The following ARID4B variants were observed in gnomAD, a reference collection of about 807,000 sequenced individuals.
ARID4B encodes AT-rich interactive domain-containing protein 4B.
A neutral mutation model predicts 147.5 loss-of-function variants in ARID4B; 26 were observed. That is an observed-to-expected ratio of 0.18 (90% CI 0.13 to 0.24). The LOEUF (loss-of-function observed/expected upper bound fraction) is 0.24, where lower values mean the gene tolerates loss of function less well. ARID4B is among the 10% of genes least tolerant of loss of function. The pLI, the probability that ARID4B is intolerant of heterozygous loss-of-function variation, is 1.00. For missense variants in ARID4B, 1,179 were observed against 1,511.5 expected, an observed-to-expected ratio of 0.78 and a Z score of 3.65; for synonymous variants, 512 against 507.9, an observed-to-expected ratio of 1.01 and a Z score of -0.11.
chr1:235,300,675 G>A (rs998385795), intron 2 of ARID4B, among the ~76,000 whole-genome samples: 5 of 151,920 alleles, frequency 3.3e-5, no homozygotes, highest in South Asian at 4.2e-4. Context: ...CATTAAAGAT[G>A]CCTTGCAAGG....
At position 235,236,833 on chromosome 1, in the gene ARID4B, A is replaced by ATATATATATATATATATATATATATGTGT. The variant is rs1668597409; in HGVS notation, c.586-2342_586-2341insACACATATATATATATATATATATATATA. On this transcript the variant is annotated intron_variant, in intron 8 of 23. Transcript: ENST00000264183. ...TGGCCCACAAAACGGTTTTATAAAA[A>ATATATATATATATATATATATATATGTGT]ATATATATATATATATATATATATA... Among the ~76,000 whole-genome samples the ATATATATATATATATATATATATATGTGT allele has an allele frequency of 2.7e-3, 92 of 33,510 alleles. 6 individuals are homozygous for ATATATATATATATATATATATATATGTGT. The highest frequency in any genetic ancestry group is 3.1e-3 in the Non-Finnish European group (67 of 21,410). 22.0% of individuals were successfully genotyped at this position (33,510 alleles called of 152,430 possible).
chr1:235,251,314 C>A (rs1669633249), intron 6 of ARID4B, among the ~76,000 whole-genome samples: 1 of 151,450 alleles, frequency 6.6e-6, no homozygotes, highest in African/African-American at 2.4e-5. Flanking sequence ...GAGGAGGAAG[C>A]ATTTATAATG....
intron 8 of ARID4B, among the ~76,000 whole-genome samples, chr1:235,239,797 C>A (rs556206977): frequency 9.9e-5 from 15 of 152,168 alleles, no homozygotes; most frequent in Middle Eastern, 6.8e-3. Flanking sequence ...GAATTGCAAT[C>A]TTTTGGAGAG....
At chr1:235,257,728 G>T (rs895016049) in intron 3 of ARID4B, among the ~76,000 whole-genome samples, 1 of 151,978 alleles carries the variant, frequency 6.6e-6, no homozygotes, top group African/African-American at 2.4e-5. Context: ...TGATCCGCCC[G>T]CCTTGACCTA....
intron 2 of ARID4B, among the ~76,000 whole-genome samples, chr1:235,290,820 G>C (rs1221416854): frequency 6.6e-6 from 1 of 152,234 alleles, no homozygotes; most frequent in African/African-American, 2.4e-5. Context: ...ATAACAGCCA[G>C]GTGTGGAGGC....
In ARID4B at chr1:235,179,001, C is replaced by T. The variant is rs530562925; in HGVS notation, c.3335-1088G>A. Among the ~76,000 whole-genome samples, 158 of 152,032 alleles carry T rather than the reference C, an allele frequency of 1.0e-3. 1 individual carries two copies. The highest frequency in any genetic ancestry group is 3.7e-3 in the African/African-American group (154 of 41,496). The stretch of plus-strand genomic sequence containing the variant: ...CAATTTAAGTGAAACATAAAGGAGA[C>T]GTAGATATTGACCATACTGAAGCAC... On this transcript the variant is annotated intron_variant, in intron 20 of 23. Coordinates refer to ENST00000264183, the MANE Select transcript of ARID4B (RefSeq NM_016374.6).
rs1200546912 is a variant in ARID4B, at chr1:235,226,232, A to C, written c.898-1457T>G. 4.6e-5 allele frequency among the ~76,000 whole-genome samples: 7 copies of C among 152,350 alleles called. No homozygotes were observed. The East Asian group carries it at 1.2e-3, about 25-fold the overall frequency. On this transcript the variant is annotated intron_variant, in intron 11 of 23. Coordinates refer to ENST00000264183, the MANE Select transcript of ARID4B (RefSeq NM_016374.6). ...TTATATTTTACACACTATGACAGAC[A>C]CTTTAAGTATGAATACGAGTAAGAC...
Position 235,181,923 on chromosome 1 carries a change from T to G in ARID4B, c.2996A>C (p.Glu999Ala), listed in dbSNP as rs1329998616. 6.2e-7 allele frequency: 1 copy of G among 1,614,218 alleles called. No homozygotes were observed. The highest frequency in any genetic ancestry group is 1.1e-5 in the South Asian group (1 of 91,088). Residue 999 changes from glutamate to alanine, a missense_variant, in exon 20 of 24, where the codon GAA (glutamate) becomes GCA (alanine). Coordinates refer to ENST00000264183, the MANE Select transcript of ARID4B (RefSeq NM_016374.6). ...TCTGTCATTGACCTCTACTGTTTTT[T>G]CTTCAATGGGTTTACTATCGACATT... ...PVNVDSKPIE[E>A]KTVEVNDRKA...
chr1:235,263,083 C>A (rs1670388615), intron 2 of ARID4B, among the ~76,000 whole-genome samples: 1 of 152,068 alleles, frequency 6.6e-6, no homozygotes, highest in South Asian at 2.1e-4. Context: ...TCTTCATGAC[C>A]ACAGGCTCAT....
At chr1:235,263,934 C>A (rs1406245905) in intron 2 of ARID4B, among the ~76,000 whole-genome samples, 1 of 151,888 alleles carries the variant, frequency 6.6e-6, no homozygotes, top group East Asian at 1.9e-4. Context: ...GCGGGGCTTG[C>A]AGTGAGCCAA....
At chr1:235,232,334 C>T (rs1435195928) in intron 9 of ARID4B, among the ~76,000 whole-genome samples, 3 of 151,928 alleles carry the variant, frequency 2.0e-5, no homozygotes, top group Non-Finnish European at 4.4e-5. Context: ...GCAGGAGAAT[C>T]GCTTGAACCT....
chr1:235,285,202 A>C (rs1343413719), intron 2 of ARID4B, among the ~76,000 whole-genome samples: 1 of 152,222 alleles, frequency 6.6e-6, no homozygotes, highest in Non-Finnish European at 1.5e-5. Flanking sequence ...CATCACGCCC[A>C]GCCCAAAAAT....
chr1:235,232,766 A>G (rs1389838768), intron 9 of ARID4B, among the ~76,000 whole-genome samples: 1 of 152,094 alleles, frequency 6.6e-6, no homozygotes. Flanking sequence ...TTAAGTCAAT[A>G]TTCAATTTCT....
At chr1:235,287,612 T>C (rs1428829074) in intron 2 of ARID4B, among the ~76,000 whole-genome samples, 1 of 152,226 alleles carries the variant, frequency 6.6e-6, no homozygotes, top group Non-Finnish European at 1.5e-5. Flanking sequence ...TAGTAAACTA[T>C]TTCTGTTGAC....
At chr1:235,279,224 G>A (rs1413692975) in intron 2 of ARID4B, among the ~76,000 whole-genome samples, 1 of 152,050 alleles carries the variant, frequency 6.6e-6, no homozygotes, top group Non-Finnish European at 1.5e-5. Context: ...CGGCAAGACT[G>A]AGAAACACTG....
intron 16 of ARID4B, among the ~76,000 whole-genome samples, chr1:235,215,694 C>T (rs1667027408): frequency 6.6e-6 from 1 of 151,410 alleles, no homozygotes; most frequent in Non-Finnish European, 1.5e-5. Flanking sequence ...ATGATCCTCC[C>T]ACCTCAGCAT....
In ARID4B at chr1:235,224,583, A is replaced by G. The variant is rs560516926; in HGVS notation, c.970+120T>C. ...CTAGGTGCTGGTGATATCAGAGTCA[A>G]AAAGACAGCCATAATTACTGATGAC... On this transcript the variant is annotated intron_variant, in intron 12 of 23. Coordinates refer to ENST00000264183, the MANE Select transcript of ARID4B (RefSeq NM_016374.6). 2.9e-5 allele frequency: 21 copies of G among 712,234 alleles called. No individual in the cohort carries two copies. In the East Asian group the frequency reaches 5.8e-4, roughly 20 times the overall value. 44.1% of individuals were successfully genotyped at this position (712,234 alleles called of 1,614,324 possible).
intron 2 of ARID4B, among the ~76,000 whole-genome samples, chr1:235,281,881 AAAATT>A (rs1216948899): frequency 6.6e-6 from 1 of 152,190 alleles, no homozygotes; most frequent in Non-Finnish European, 1.5e-5. Flanking sequence ...CAGAAATACA[AAAATT>A]AAAAGAAATT....
chr1:235,196,682 T>C (rs1344781072), intron 17 of ARID4B, among the ~76,000 whole-genome samples: 2 of 151,756 alleles, frequency 1.3e-5, no homozygotes, highest in Non-Finnish European at 1.5e-5. Context: ...TGAAACCCCA[T>C]CTCTACTAAA....
Sources: allele counts gnomAD v4.1 joint callset (sites outside exome capture counted in the v4.1 genomes callset), GRCh38; gene constraint gnomAD v4.1.1; transcripts MANE v1.5; gene names NCBI Gene and HGNC (gene_info 2026-07-23, HGNC 2026-07-21).